ADAMTS12: variants seen among roughly 807,000 people sequenced by gnomAD.
ADAMTS12 encodes A disintegrin and metalloproteinase with thrombospondin motifs 12.
Under a neutral mutation model 167.8 loss-of-function variants are expected in ADAMTS12, and 118 were observed. The observed-to-expected ratio is 0.70, with a 90% CI of 0.61 to 0.82. The LOEUF is 0.82. ADAMTS12 is among the 40% of genes least tolerant of loss of function. The pLI is 0.00. For synonymous variants in ADAMTS12, 704 were observed against 716.9 expected, an observed-to-expected ratio of 0.98 and a Z score of 0.29; for missense variants, 1,916 against 1,998.8, an observed-to-expected ratio of 0.96 and a Z score of 0.79.
At chr5:33,605,589 G>C (rs1554026203) in intron 16 of ADAMTS12, among the ~76,000 whole-genome samples, 1 of 152,130 alleles carries the variant, frequency 6.6e-6, no homozygotes, top group Non-Finnish European at 1.5e-5. Flanking sequence ...ATAAAGTTCT[G>C]AGGAACTCAG....
intron 18 of ADAMTS12, among the ~76,000 whole-genome samples, chr5:33,578,474 GATTT>G (rs1487502344): frequency 6.6e-6 from 1 of 152,110 alleles, no homozygotes; most frequent in African/African-American, 2.4e-5. Flanking sequence ...AGTGACTTTT[GATTT>G]ATTAAAAGCT....
intron 2 of ADAMTS12, among the ~76,000 whole-genome samples, chr5:33,787,764 C>G (rs771607101): frequency 2.1e-4 from 32 of 152,238 alleles, no homozygotes; most frequent in Non-Finnish European, 3.2e-4. Flanking sequence ...GTCTCTCAGA[C>G]ATGACTGGTT....
chr5:33,614,822 C>T (rs370120966), intron 15 of ADAMTS12, among the ~76,000 whole-genome samples: 3 of 152,260 alleles, frequency 2.0e-5, no homozygotes, highest in Admixed American at 6.5e-5. Context: ...TAAATAGTGC[C>T]TATTTGTAGG....
chr5:33,671,479 T>G (rs1371921865), intron 5 of ADAMTS12, among the ~76,000 whole-genome samples: 1 of 152,168 alleles, frequency 6.6e-6, no homozygotes, highest in Non-Finnish European at 1.5e-5. Flanking sequence ...TGCATGTGAA[T>G]GTACAATGAA....
In ADAMTS12 at chr5:33,751,397, A is replaced by G. The variant is rs1173897912; in HGVS notation, c.634+7T>C. ...TTCAACCCAGGAGGACATGTGAGTC[A>G]CAATACCCTTTAATCCACAGGTTGG... On this transcript the variant is annotated splice_region_variant and intron_variant, in intron 3 of 23. Coordinates refer to ENST00000504830, the MANE Select transcript of ADAMTS12 (RefSeq NM_030955.4). The G allele has an allele frequency of 6.2e-7, 1 of 1,614,174 alleles. No homozygotes were observed. The highest frequency in any genetic ancestry group is 1.1e-5 in the South Asian group (1 of 91,082).
chr5:33,748,012 GC>G (rs1744851076), intron 3 of ADAMTS12, among the ~76,000 whole-genome samples: 1 of 152,188 alleles, frequency 6.6e-6, no homozygotes, highest in Non-Finnish European at 1.5e-5. Context: ...TATGCCAGGA[GC>G]CAGACCCTGT....
At chr5:33,595,228 A>G (rs1309058529) in intron 17 of ADAMTS12, among the ~76,000 whole-genome samples, 1 of 151,502 alleles carries the variant, frequency 6.6e-6, no homozygotes, top group Non-Finnish European at 1.5e-5. Context: ...TAGGATCCCA[A>G]TCTCTTGAAC....
At chr5:33,838,237 C>T (rs1748608488) in intron 2 of ADAMTS12, among the ~76,000 whole-genome samples, 1 of 152,124 alleles carries the variant, frequency 6.6e-6, no homozygotes, top group African/African-American at 2.4e-5. Flanking sequence ...ATAACAAGAA[C>T]CACATCAGTT....
intron 5 of ADAMTS12, among the ~76,000 whole-genome samples, chr5:33,680,192 C>T (rs965977761): frequency 6.6e-6 from 1 of 152,198 alleles, no homozygotes; most frequent in Non-Finnish European, 1.5e-5. Flanking sequence ...ATGTGTGTCT[C>T]TTTACATTTG....
intron 2 of ADAMTS12, among the ~76,000 whole-genome samples, chr5:33,824,066 G>A (rs940075623): frequency 2.0e-5 from 3 of 152,138 alleles, no homozygotes; most frequent in African/African-American, 7.2e-5. Context: ...TTGTTAAAGA[G>A]TCCCAAGCAT....
chr5:33,650,515 T>TTG (rs1221332861), intron 7 of ADAMTS12, among the ~76,000 whole-genome samples: 1 of 152,200 alleles, frequency 6.6e-6, no homozygotes, highest in Non-Finnish European at 1.5e-5. Context: ...ACTTTGAGAT[T>TTG]TGTCAACAAT....
intron 8 of ADAMTS12, 80 bp downstream of exon 8, chr5:33,649,474 C>G: frequency 6.6e-7 from 1 of 1,523,466 alleles, no homozygotes; most frequent in East Asian, 2.3e-5. Flanking sequence ...TTCCAGGCAT[C>G]AGCTTCTCTG....
intron 19 of ADAMTS12, among the ~76,000 whole-genome samples, chr5:33,570,098 A>C (rs1425230641): frequency 6.6e-6 from 1 of 152,242 alleles, no homozygotes; most frequent in Non-Finnish European, 1.5e-5. Flanking sequence ...GGACTATGTG[A>C]AAAGACCAAA....
intron 16 of ADAMTS12, among the ~76,000 whole-genome samples, chr5:33,599,893 C>T (rs1293340873): frequency 6.6e-6 from 1 of 152,174 alleles, no homozygotes; most frequent in Non-Finnish European, 1.5e-5. Flanking sequence ...TGTGACACTG[C>T]AAATGCAGGA....
At chr5:33,883,269 G>C (rs1360711694) in intron 1 of ADAMTS12, among the ~76,000 whole-genome samples, 1 of 151,262 alleles carries the variant, frequency 6.6e-6, no homozygotes, top group African/African-American at 2.4e-5. Flanking sequence ...AAATAACTGG[G>C]CTTGATGGGC....
intron 2 of ADAMTS12, among the ~76,000 whole-genome samples, chr5:33,847,641 A>G (rs890827591): frequency 2.9e-4 from 44 of 152,056 alleles, no homozygotes; most frequent in African/African-American, 9.9e-4. Context: ...AAAAGAAAGA[A>G]AGAAAGAAAA....
rs146410588 is a variant in ADAMTS12, at chr5:33,835,953, CTGTGTGTGTGTG to C, written c.489+45154_489+45165del. Among the ~76,000 whole-genome samples, 20 of 89,160 alleles carry C rather than the reference CTGTGTGTGTGTG, an allele frequency of 2.2e-4. 1 individual carries two copies. The East Asian group carries it at 5.4e-3, about 24-fold the overall frequency. 58.5% of individuals were successfully genotyped at this position (89,160 alleles called of 152,430 possible). On this transcript the variant is annotated intron_variant, in intron 2 of 23. Transcript: ENST00000504830. ...TCTCTCTCTCTCTCTCTCTCTCTCT[CTGTGTGTGTGTG>C]TGTGTCCATCTGGGCAGTTTATGCT...
intron 5 of ADAMTS12, among the ~76,000 whole-genome samples, chr5:33,664,388 T>C (rs1741391053): frequency 6.6e-6 from 1 of 152,122 alleles, no homozygotes; most frequent in Admixed American, 6.5e-5. Flanking sequence ...CAACTGATTT[T>C]TGACAAAGGT....
intron 2 of ADAMTS12, among the ~76,000 whole-genome samples, chr5:33,861,175 C>A (rs1192321377): frequency 1.3e-5 from 2 of 152,174 alleles, no homozygotes; most frequent in African/African-American, 4.8e-5. Context: ...CAAATTCACA[C>A]ATAACAATAT....
Sources: allele counts gnomAD v4.1 joint callset (sites outside exome capture counted in the v4.1 genomes callset), GRCh38; gene constraint gnomAD v4.1.1; transcripts MANE v1.5; gene names NCBI Gene and HGNC (gene_info 2026-07-23, HGNC 2026-07-21).